LRRC4C: variants seen among roughly 807,000 people sequenced by gnomAD.
The protein encoded by LRRC4C is leucine rich repeat containing 4C, also known as leucine-rich repeat-containing protein 4C.
Under a neutral mutation model 33.6 loss-of-function variants are expected in LRRC4C, and 5 were observed. The ratio of observed to expected loss-of-function variants is 0.15; its 90% confidence interval spans 0.08 to 0.31. The LOEUF (loss-of-function observed/expected upper bound fraction) is 0.31, where lower values mean the gene tolerates loss of function less well. Ranked by LOEUF, LRRC4C falls within the 10% of genes least tolerant of loss-of-function variation. LRRC4C has a pLI of 1.00. For synonymous variants in LRRC4C, 329 were observed against 302.0 expected, an observed-to-expected ratio of 1.09 and a Z score of -0.93; for missense variants, 560 against 796.7, an observed-to-expected ratio of 0.70 and a Z score of 3.58.
chr11:40,687,024 C>A (rs1944994404), intron 2 of LRRC4C, among the ~76,000 whole-genome samples: 1 of 152,064 alleles, frequency 6.6e-6, no homozygotes, highest in South Asian at 2.1e-4. Flanking sequence ...AATTGGTACC[C>A]ACATTACGGT....
intron 5 of LRRC4C, among the ~76,000 whole-genome samples, chr11:40,190,229 G>A (rs1861726224): frequency 6.6e-6 from 1 of 152,158 alleles, no homozygotes; most frequent in South Asian, 2.1e-4. Context: ...AACCAAGCCA[G>A]GCCTTCTTTC....
chr11:40,964,977 A>G (rs1445463689), intron 1 of LRRC4C, among the ~76,000 whole-genome samples: 5 of 152,156 alleles, frequency 3.3e-5, no homozygotes, highest in African/African-American at 4.8e-5. Flanking sequence ...ACTAGTTTAC[A>G]GTCCCACCAA....
chr11:40,816,227 G>A (rs889198814), intron 2 of LRRC4C, among the ~76,000 whole-genome samples: 2 of 152,214 alleles, frequency 1.3e-5, no homozygotes, highest in African/African-American at 4.8e-5. Context: ...GCCACTAGAG[G>A]TTATCAGGAG....
intron 1 of LRRC4C, among the ~76,000 whole-genome samples, chr11:41,091,829 G>C (rs1940441318): frequency 6.6e-6 from 1 of 152,096 alleles, no homozygotes; most frequent in African/African-American, 2.4e-5. Context: ...CCAATGTCCT[G>C]TGAGTTAGAT....
intron 2 of LRRC4C, among the ~76,000 whole-genome samples, chr11:40,894,407 T>C (rs1258315835): frequency 6.6e-6 from 1 of 152,004 alleles, no homozygotes; most frequent in Non-Finnish European, 1.5e-5. Flanking sequence ...TTATCGGGAG[T>C]CTACACTGTG....
intron 1 of LRRC4C, among the ~76,000 whole-genome samples, chr11:41,364,514 G>C (rs1228682683): frequency 2.0e-5 from 3 of 152,094 alleles, no homozygotes; most frequent in Non-Finnish European, 2.9e-5. Flanking sequence ...GACCTCAGGT[G>C]ATCCACCTGC....
intron 1 of LRRC4C, among the ~76,000 whole-genome samples, chr11:41,012,391 T>A (rs1241351863): frequency 6.6e-6 from 1 of 152,194 alleles, no homozygotes; most frequent in Non-Finnish European, 1.5e-5. Flanking sequence ...GTTCCATCCA[T>A]GTTGCAGAAA....
At chr11:40,647,748 T>C (rs7938809) in intron 3 of LRRC4C, among the ~76,000 whole-genome samples, 96,726 of 152,078 alleles carry the variant, frequency 0.64, 30,899 homozygotes, top group East Asian at 0.71. Flanking sequence ...GAAAAGGAGC[T>C]GGGGCATCAC....
intron 5 of LRRC4C, among the ~76,000 whole-genome samples, chr11:40,197,999 A>C (rs1862402225): frequency 6.6e-6 from 1 of 152,202 alleles, no homozygotes; most frequent in Admixed American, 6.5e-5. Context: ...AAGAATGAGA[A>C]AATTATCAGC....
intron 1 of LRRC4C, among the ~76,000 whole-genome samples, chr11:41,126,564 C>T (rs1275441650): frequency 2.6e-5 from 4 of 152,100 alleles, no homozygotes; most frequent in African/African-American, 9.6e-5. Context: ...CAGCATATTG[C>T]TATAGTACTA....
At chr11:40,657,607 A>C (rs1005700878) in intron 2 of LRRC4C, among the ~76,000 whole-genome samples, 10 of 152,216 alleles carry the variant, frequency 6.6e-5, no homozygotes, top group Non-Finnish European at 1.3e-4. Context: ...GTGACCTGGA[A>C]GGCCTCTCCC....
At chr11:40,658,445 GAC>G (rs1327266429) in intron 2 of LRRC4C, among the ~76,000 whole-genome samples, 1 of 152,212 alleles carries the variant, frequency 6.6e-6, no homozygotes, top group Non-Finnish European at 1.5e-5. Context: ...AGTATGCTGA[GAC>G]ACTGGGTTTC....
chr11:41,144,889 A>G (rs539868532), intron 1 of LRRC4C, among the ~76,000 whole-genome samples: 7 of 152,190 alleles, frequency 4.6e-5, no homozygotes, highest in South Asian at 2.1e-4. Flanking sequence ...TCCTAATATG[A>G]AACTAGTACA....
At chr11:40,652,287 AC>A (rs1472589981) in intron 2 of LRRC4C, among the ~76,000 whole-genome samples, 8 of 152,238 alleles carry the variant, frequency 5.3e-5, no homozygotes, top group African/African-American at 1.9e-4. Context: ...AATACTTACT[AC>A]CCCAAATTCA....
At chr11:40,424,346 AGC>A (rs1950634859) in intron 3 of LRRC4C, among the ~76,000 whole-genome samples, 1 of 152,188 alleles carries the variant, frequency 6.6e-6, no homozygotes, top group African/African-American at 2.4e-5. Context: ...TATATTGAAG[AGC>A]CTTAAAAACT....
chr11:41,239,719 C>T (rs771639309), intron 1 of LRRC4C, among the ~76,000 whole-genome samples: 1 of 151,934 alleles, frequency 6.6e-6, no homozygotes, highest in Non-Finnish European at 1.5e-5. Context: ...TCTTCCATTC[C>T]AACAGAACAT....
intron 1 of LRRC4C, among the ~76,000 whole-genome samples, chr11:41,093,813 C>G (rs569854689): frequency 6.6e-6 from 1 of 151,088 alleles, no homozygotes; most frequent in Admixed American, 6.6e-5. Flanking sequence ...ACAGACCGGC[C>G]GGGCCCGGTG....
At chr11:41,115,534 A>T (rs1942072318) in intron 1 of LRRC4C, among the ~76,000 whole-genome samples, 1 of 152,124 alleles carries the variant, frequency 6.6e-6, no homozygotes, top group Non-Finnish European at 1.5e-5. Context: ...AGGCAATATA[A>T]ATAAGCCTTA....
At chr11:41,005,531 G>T (rs962563481) in intron 1 of LRRC4C, among the ~76,000 whole-genome samples, 1 of 152,150 alleles carries the variant, frequency 6.6e-6, no homozygotes, top group Non-Finnish European at 1.5e-5. Context: ...TTGAACCCGG[G>T]AGGTGGAGGT....
Sources: gnomAD v4.1 joint callset for allele counts (sites outside exome capture counted in the v4.1 genomes callset) on GRCh38, gnomAD v4.1.1 for gene constraint, MANE v1.5 for transcripts, NCBI Gene and HGNC (gene_info 2026-07-23, HGNC 2026-07-21) for gene names.